Variants in RD3 observed in about 807,000 individuals in gnomAD.
RD3 encodes the protein RD3 regulator of GUCY2D.
In RD3, 11 loss-of-function variants were observed where a neutral mutation model predicts 16.9. The observed-to-expected ratio is 0.65, with a 90% CI of 0.41 to 1.08. RD3 has a LOEUF of 1.08. Among genes scored for constraint, RD3 ranks in the 50% least tolerant of loss-of-function variants. The pLI is 0.00. For missense variants in RD3, 274 were observed against 267.4 expected, an observed-to-expected ratio of 1.02 and a Z score of -0.17; for synonymous variants, 116 against 114.8, an observed-to-expected ratio of 1.01 and a Z score of -0.07.
At chr1:211,490,535 C>T (rs534882061) in intron 1 of RD3, among the ~76,000 whole-genome samples, 21 of 152,356 alleles carry the variant, frequency 1.4e-4, no homozygotes, top group African/African-American at 2.2e-4. Flanking sequence ...GCTCTGCTGA[C>T]GCCAGACGCT....
intron 1 of RD3, among the ~76,000 whole-genome samples, chr1:211,489,595 G>A (rs1705445584): frequency 7.1e-6 from 1 of 141,126 alleles, no homozygotes; most frequent in Non-Finnish European, 1.5e-5. Context: ...TTTGATAGCT[G>A]CATTTCAATA....
chr1:211,485,029 TCCTGGACC>T (rs1337570200), intron 1 of RD3, among the ~76,000 whole-genome samples: 2 of 152,200 alleles, frequency 1.3e-5, no homozygotes, highest in Non-Finnish European at 2.9e-5. Context: ...GTGGCATGTC[TCCTGGACC>T]CCCAGACACT....
rs1375539637 is a variant in RD3 at position 211,481,156 on chromosome 1, T to C, written c.260A>G (p.Lys87Arg). The C allele has an allele frequency of 6.2e-7, 1 of 1,614,278 alleles. No individual in the cohort carries two copies. Among genetic ancestry groups the C allele is most frequent in the South Asian group, 1.1e-5 (1 of 91,088 alleles). Residue 87 changes from lysine (K) to arginine (R), a missense_variant, in exon 2 of 3, where the codon AAG becomes AGG. Coordinates refer to ENST00000680073, the MANE Select transcript of RD3 (RefSeq NM_001164688.2). ...AGGCCCACAATAGGATGGGTGGATC[T>C]TAACGCAGACATCTTCCAGCTGCAA... Reference protein sequence around the residue: ...ERLQLEDVCVKIHPSYCGPAI... With the variant: ...ERLQLEDVCVRIHPSYCGPAI...
At chr1:211,489,158 T>A (rs1469610502) in intron 1 of RD3, among the ~76,000 whole-genome samples, 15 of 152,256 alleles carry the variant, frequency 9.9e-5, no homozygotes, top group Non-Finnish European at 1.5e-5. Context: ...TATGTCTTTG[T>A]AAATGTTTTA....
chr1:211,481,547 C>T, intron 1 of RD3, 121 bp from the exon 2 acceptor site: 1 of 868,308 alleles, frequency 1.2e-6, no homozygotes, highest in Non-Finnish European at 1.8e-6. Flanking sequence ...CTGCTCTGCC[C>T]TAACAGTTGA....
chr1:211,479,034 G>A lies in RD3; in HGVS notation c.*2C>T, dbSNP rs1195310988. 1 of 1,595,644 alleles carries A rather than the reference G, an allele frequency of 6.3e-7. No homozygotes were observed. On this transcript the variant is annotated 3_prime_UTR_variant, in exon 3 of 3. Transcript: ENST00000680073. ...CGCTTCTGGGCAGGGAAGCGGCCGG[G>A]GTCAGTCGGCTTTGGGCGCCCGGAA...
Position 211,479,062 on chromosome 1 carries a change from C to G in RD3, c.562G>C (p.Glu188Gln). Residue 188 changes from glutamate (E) to glutamine (Q), a missense_variant, in exon 3 of 3, where the codon GAA (glutamate) becomes CAA (glutamine). By Grantham distance (29) the Glu-to-Gln change is conservative (BLOSUM62 2). Transcript: ENST00000680073. ...CAGTCGGCTTTGGGCGCCCGGAATT[C>G]GGGCATGCTCCAGGACCGCAGTGGC... ...PPPLRSWSMPEFRAPKAD is the reference protein window; with the variant it reads ...PPPLRSWSMPQFRAPKAD 1 of 1,603,898 alleles carries G rather than the reference C, an allele frequency of 6.2e-7. No individual in the cohort carries two copies. The highest frequency in any genetic ancestry group is 1.1e-5 in the South Asian group (1 of 90,732).
Position 211,478,049 on chromosome 1 carries a change from G to T in RD3, c.*987C>A, listed in dbSNP as rs548778780. 1.0e-4 allele frequency: 41 copies of T among 398,682 alleles called. No homozygotes were observed. The highest frequency in any genetic ancestry group is 7.8e-4 in the African/African-American group (38 of 48,748). The allele number at this position is 398,682 out of a possible 1,614,324, so 24.7% of individuals were successfully genotyped here. ...GCCTCAAGGTCAGTCAGGGGTTTGG[G>T]CATCACTTTCTGGAGAAAGCCAGAG... On this transcript the variant is annotated 3_prime_UTR_variant, in exon 3 of 3. Coordinates refer to ENST00000680073, the MANE Select transcript of RD3 (RefSeq NM_001164688.2).
At chr1:211,479,639 T>C (rs1189244483) in intron 2 of RD3, among the ~76,000 whole-genome samples, 1 of 151,646 alleles carries the variant, frequency 6.6e-6, no homozygotes, top group African/African-American at 2.4e-5. Flanking sequence ...CTAAGGTTGT[T>C]GATGACGAAG....
rs766975675 is a variant in RD3, at chr1:211,481,398, C to A, written c.18G>T (p.Trp6Cys). ...GGGATGGGGCCTCGTTCCACCGAAGCCATGAGATGAGAGACATAGCCCCTG... is the reference window on the plus strand; with the variant it reads ...GGGATGGGGCCTCGTTCCACCGAAGACATGAGATGAGAGACATAGCCCCTG... MSLIS[W>C]LRWNEAPSRL... Residue 6 changes from tryptophan to cysteine, a missense_variant, in exon 2 of 3, where the codon TGG (tryptophan) becomes TGT (cysteine). By Grantham distance (215) the Trp-to-Cys change is radical. Coordinates refer to ENST00000680073, the MANE Select transcript of RD3 (RefSeq NM_001164688.2). The A allele has an allele frequency of 6.2e-7, 1 of 1,612,992 alleles. No homozygotes were observed. Among genetic ancestry groups the A allele is most frequent in the Non-Finnish European group, 8.5e-7 (1 of 1,180,036 alleles).
intron 1 of RD3, among the ~76,000 whole-genome samples, chr1:211,485,685 C>T (rs903769591): frequency 7.9e-5 from 12 of 152,156 alleles, no homozygotes; most frequent in African/African-American, 2.9e-4. Flanking sequence ...AGATTCACCA[C>T]CGTGGCAGAG....
In RD3 at chr1:211,479,330, G is replaced by A; in HGVS notation, c.297-3C>T. The A allele has an allele frequency of 1.2e-6, 2 of 1,600,934 alleles. No homozygotes were observed. Among genetic ancestry groups the A allele is most frequent in the Non-Finnish European group, 1.7e-6 (2 of 1,174,330 alleles). ...GCTCCGCCAGCAGCTGCCGGAACCT[G>A]GGCGGGAGGGGAGGGCGCTGGGGAC... On this transcript the variant is annotated splice_polypyrimidine_tract_variant and splice_region_variant and intron_variant, in intron 2 of 2. Coordinates refer to ENST00000680073, the MANE Select transcript of RD3 (RefSeq NM_001164688.2).
intron 1 of RD3, among the ~76,000 whole-genome samples, chr1:211,488,081 C>T (rs1320205776): frequency 6.6e-6 from 1 of 152,194 alleles, no homozygotes; most frequent in East Asian, 1.9e-4. Flanking sequence ...TTGGTTTCTG[C>T]ATTTATAAAA....
chr1:211,478,541 G>A lies in RD3; in HGVS notation c.*495C>T, dbSNP rs994395941. The stretch of plus-strand genomic sequence containing the variant: ...CCCTTCCAGCTGTGCCTGCCTATGA[G>A]GCTGTGTGTGACCCACCTGCAGTGG... On this transcript the variant is annotated 3_prime_UTR_variant, in exon 3 of 3. Transcript: ENST00000680073. 4.5e-6 allele frequency: 1 copy of A among 224,106 alleles called. No individual in the cohort carries two copies. The allele number at this position is 224,106 out of a possible 1,614,324, so 13.9% of individuals were successfully genotyped here.
At chr1:211,483,204 G>A (rs1288930303) in intron 1 of RD3, among the ~76,000 whole-genome samples, 1 of 151,882 alleles carries the variant, frequency 6.6e-6, no homozygotes, top group Non-Finnish European at 1.5e-5. Flanking sequence ...GCTCATGCCT[G>A]TGATTCCAGC....
chr1:211,483,305 T>C (rs1218857796), intron 1 of RD3, among the ~76,000 whole-genome samples: 1 of 149,626 alleles, frequency 6.7e-6, no homozygotes, highest in Non-Finnish European at 1.5e-5. Flanking sequence ...CTACTAAGAA[T>C]ACAAAAATTA....
Position 211,477,126 on chromosome 1 carries a change from C to A in RD3, c.*1910G>T. On this transcript the variant is annotated 3_prime_UTR_variant, in exon 3 of 3. Transcript: ENST00000680073. ...AGTGTAGAACTCCCACCAGACAAAA[C>A]ATATAGGTCACAAAAAAGCACAGCT... 6.6e-6 allele frequency: 1 copy of A among 150,906 alleles called. No individual in the cohort carries two copies. The highest frequency in any genetic ancestry group is 2.0e-4 in the East Asian group (1 of 5,110). 9.3% of individuals were successfully genotyped at this position (150,906 alleles called of 1,614,324 possible).
At chr1:211,485,215 GTGATCCCACCTGAGTCCTGAATTTTGT>G (rs1363578414) in intron 1 of RD3, among the ~76,000 whole-genome samples, 2 of 152,216 alleles carry the variant, frequency 1.3e-5, no homozygotes, top group African/African-American at 4.8e-5. Flanking sequence ...GCTGAGTGGA[GTGATCCCACCTGAGTCCTGAATTTTGT>G]GGGCTCTAAG....
At chr1:211,488,264 G>A (rs956080229) in intron 1 of RD3, among the ~76,000 whole-genome samples, 13 of 152,170 alleles carry the variant, frequency 8.5e-5, no homozygotes, top group African/African-American at 2.9e-4. Flanking sequence ...GCCGGGAGCG[G>A]TGGCTCACGA....
Sources: allele counts gnomAD v4.1 joint callset (sites outside exome capture counted in the v4.1 genomes callset), GRCh38; gene constraint gnomAD v4.1.1; transcripts MANE v1.5; gene names NCBI Gene and HGNC (gene_info 2026-07-23, HGNC 2026-07-21).